Variants in KLRD1 observed in about 807,000 individuals in gnomAD.
KLRD1 encodes the protein killer cell lectin like receptor D1.
A neutral mutation model predicts 22.6 loss-of-function variants in KLRD1; 21 were observed. The observed-to-expected ratio is 0.93, with a 90% CI of 0.66 to 1.34. The LOEUF (loss-of-function observed/expected upper bound fraction) is 1.34. KLRD1 is among the 40% of genes most tolerant of loss of function. The pLI is 0.00. For missense variants in KLRD1, 183 were observed against 208.6 expected (o/e 0.88, Z 0.76); for synonymous variants, 59 against 71.1 (o/e 0.83, Z 0.85).
chr12:10,265,492 C>T (rs1056053951), intron 1 of KLRD1, among the ~76,000 whole-genome samples: 4 of 152,168 alleles, frequency 2.6e-5, no homozygotes, highest in Non-Finnish European at 5.9e-5. Context: ...CGCGATGGCT[C>T]ACGCCTGTAA....
At chr12:10,239,997 T>C (rs1949226132) in intron 1 of KLRD1, among the ~76,000 whole-genome samples, 1 of 152,112 alleles carries the variant, frequency 6.6e-6, no homozygotes, top group African/African-American at 2.4e-5. Flanking sequence ...CATAGTAATC[T>C]GCTCTAGAAG....
intron 1 of KLRD1, among the ~76,000 whole-genome samples, chr12:10,273,928 G>A (rs1052880948): frequency 6.6e-6 from 1 of 152,062 alleles, no homozygotes; most frequent in Non-Finnish European, 1.5e-5. Context: ...AACAGTAAAG[G>A]TAAACTCTGT....
At position 10,328,092 on chromosome 12, in the gene KLRD1, C is replaced by T. The variant is rs889656405; in HGVS notation, c.*13299C>T. The T allele has an allele frequency of 2.0e-5, 3 of 152,082 alleles. No individual in the cohort carries two copies. The highest frequency in any genetic ancestry group is 1.9e-4 in the East Asian group (1 of 5,198). 9.4% of individuals were successfully genotyped at this position (152,082 alleles called of 1,614,324 possible). ...ACTTTGTTGAGGATTTTTGCATCTA[C>T]GTTTACTAGACATATTGGCTTATAG... is the stretch of plus-strand genomic sequence containing the variant. On this transcript the variant is annotated 3_prime_UTR_variant, in exon 6 of 6. Coordinates refer to ENST00000336164, the MANE Select transcript of KLRD1 (RefSeq NM_002262.5).
intron 1 of KLRD1, among the ~76,000 whole-genome samples, chr12:10,294,559 T>G (rs1286343922): frequency 2.1e-3 from 1 of 468 alleles, no homozygotes; most frequent in Non-Finnish European, 8.6e-3. Context: ...CCACCATGCC[T>G]GGCTAATTTT....
At chr12:10,252,808 A>T (rs1272500105) in intron 1 of KLRD1, among the ~76,000 whole-genome samples, 7 of 152,106 alleles carry the variant, frequency 4.6e-5, no homozygotes, top group African/African-American at 1.7e-4. Context: ...GGTGGTAGGG[A>T]GTAAAACTAT....
chr12:10,310,474 C>T (rs1418288964), intron 3 of KLRD1, among the ~76,000 whole-genome samples: 1 of 152,184 alleles, frequency 6.6e-6, no homozygotes, highest in Non-Finnish European at 1.5e-5. Context: ...AGTTGTCTCA[C>T]CATCATCTTG....
At position 10,314,818 on chromosome 12, in the gene KLRD1, G is replaced by T; in HGVS notation, c.*25G>T. 1.3e-6 allele frequency: 2 copies of T among 1,594,182 alleles called. No individual in the cohort carries two copies. Among genetic ancestry groups the T allele is most frequent in the Non-Finnish European group, 1.7e-6 (2 of 1,172,310 alleles). ...AATGTTTCTTGGGGCAGAGAAGGTG[G>T]AGAGTAAAGACCCAACATTACTAAC... On this transcript the variant is annotated 3_prime_UTR_variant, in exon 6 of 6. Coordinates refer to ENST00000336164, the MANE Select transcript of KLRD1 (RefSeq NM_002262.5).
chr12:10,277,754 G>A (rs1949605082), intron 1 of KLRD1, among the ~76,000 whole-genome samples: 1 of 152,018 alleles, frequency 6.6e-6, no homozygotes, highest in Admixed American at 6.6e-5. Context: ...ACTTCAATTA[G>A]TCCCTCTGAT....
At chr12:10,283,731 T>C (rs1949669292) in intron 1 of KLRD1, among the ~76,000 whole-genome samples, 1 of 151,890 alleles carries the variant, frequency 6.6e-6, no homozygotes, top group South Asian at 2.1e-4. Flanking sequence ...GAAACATGTG[T>C]TGCAGGAATC....
rs1488533306 is a variant in KLRD1, at chr12:10,322,454, T to A, written c.*7661T>A. Reference sequence around the variant, plus strand: ...ATAAAAAACAACTCTTCTGCCAGATTAAAATTTTTTGTTTTTTGGTTTTTT... The same window carrying A: ...ATAAAAAACAACTCTTCTGCCAGATAAAAATTTTTTGTTTTTTGGTTTTTT... On this transcript the variant is annotated 3_prime_UTR_variant, in exon 6 of 6. Transcript: ENST00000336164. 1 of 152,240 alleles carries A rather than the reference T, an allele frequency of 6.6e-6. No individual in the cohort carries two copies. The highest frequency in any genetic ancestry group is 1.5e-5 in the Non-Finnish European group (1 of 68,042). The allele number at this position is 152,240 out of a possible 1,614,324, so 9.4% of individuals were successfully genotyped here.
At chr12:10,306,240 C>T (rs563543003), upstream of KLRD1, among the ~76,000 whole-genome samples, 131 of 151,746 alleles carry the variant, frequency 8.6e-4, no homozygotes, top group Non-Finnish European at 1.4e-3. Flanking sequence ...GAGGTATATA[C>T]ATATATGTTT....
intron 1 of KLRD1, among the ~76,000 whole-genome samples, chr12:10,257,482 CTTTT>C (rs56871156): frequency 0.57 from 56,156 of 98,298 alleles, 13,910 homozygotes; most frequent in Middle Eastern, 0.7. Context: ...GTAGCTGATT[CTTTT>C]TTTTTTTTTT....
chr12:10,277,286 C>T (rs1949601203), intron 1 of KLRD1, among the ~76,000 whole-genome samples: 1 of 151,948 alleles, frequency 6.6e-6, no homozygotes, highest in Non-Finnish European at 1.5e-5. Context: ...ACCTTTAATA[C>T]ATTCACTGAG....
Position 10,247,744 on chromosome 12 carries a change from T to C in KLRD1, c.-101+21511T>C, listed in dbSNP as rs577045556. Among the ~76,000 whole-genome samples, 425 of 152,208 alleles carry C rather than the reference T, an allele frequency of 2.8e-3. 5 individuals are homozygous for C. Among genetic ancestry groups the C allele is most frequent in the African/African-American group, 6.2e-3 (257 of 41,524 alleles). On this transcript the variant is annotated intron_variant, in intron 1 of 5. Coordinates refer to the KLRD1 transcript ENST00000544747. ...TGCACCCATGCTATTCTCATGATAG[T>C]GAGTGAGTTCTCATAACATCTGATG...
At chr12:10,305,998 T>TAA (rs34335610), upstream of KLRD1, among the ~76,000 whole-genome samples, 44 of 143,750 alleles carry the variant, frequency 3.1e-4, no homozygotes, top group African/African-American at 1.1e-3. Flanking sequence ...CCGTCTCTAC[T>TAA]AAAAAAAAAA....
chr12:10,263,964 T>C (rs74062144), intron 1 of KLRD1, among the ~76,000 whole-genome samples: 2,388 of 152,236 alleles, frequency 0.016, 52 homozygotes, highest in African/African-American at 0.054. Flanking sequence ...TGGCTAGTCA[T>C]GGACATGATC....
At chr12:10,300,159 T>C (rs1410679097), upstream of KLRD1, among the ~76,000 whole-genome samples, 1 of 152,216 alleles carries the variant, frequency 6.6e-6, no homozygotes, top group Non-Finnish European at 1.5e-5. Context: ...AAGTTGTTCA[T>C]GGCATTCAGA....
chr12:10,276,581 T>A (rs1048523326), intron 1 of KLRD1, among the ~76,000 whole-genome samples: 1 of 151,730 alleles, frequency 6.6e-6, no homozygotes, highest in Non-Finnish European at 1.5e-5. Context: ...CAGGCTGGAG[T>A]GCAATGGCAT....
intron 1 of KLRD1, among the ~76,000 whole-genome samples, chr12:10,286,929 T>C (rs1592059986): frequency 6.6e-6 from 1 of 152,028 alleles, no homozygotes; most frequent in African/African-American, 2.4e-5. Flanking sequence ...CCTGAGGTCA[T>C]GAGTTCGAGA....
Sources: gnomAD v4.1 joint callset for allele counts (sites outside exome capture counted in the v4.1 genomes callset) on GRCh38, gnomAD v4.1.1 for gene constraint, MANE v1.5 for transcripts, NCBI Gene and HGNC (gene_info 2026-07-23, HGNC 2026-07-21) for gene names.